TIAM1: variants seen among roughly 807,000 people sequenced by gnomAD.
The protein encoded by TIAM1 is TIAM Rac1 associated GEF 1.
In TIAM1, 65 loss-of-function variants were observed where a neutral mutation model predicts 163.5. The observed-to-expected ratio is 0.40, with a 90% CI of 0.33 to 0.49. The LOEUF (loss-of-function observed/expected upper bound fraction) is 0.49, where lower values mean the gene tolerates loss of function less well. TIAM1 is among the 20% of genes least tolerant of loss of function. The probability of loss-of-function intolerance (pLI) is 0.77; values close to 1 mark genes in which losing one functional copy is unlikely to be tolerated. For synonymous variants in TIAM1, 833 were observed against 810.1 expected, an observed-to-expected ratio of 1.03 and a Z score of -0.48; for missense variants, 1,789 against 2,044.7, an observed-to-expected ratio of 0.87 and a Z score of 2.41.
At chr21:31,169,358 G>A (rs2084396336) in intron 15 of TIAM1, among the ~76,000 whole-genome samples, 2 of 152,000 alleles carry the variant, frequency 1.3e-5, no homozygotes, top group South Asian at 4.2e-4. Flanking sequence ...AAAACACCAG[G>A]TAAATTAATA....
chr21:31,547,830 A>G (rs185174975), intron 1 of TIAM1, among the ~76,000 whole-genome samples: 1 of 152,328 alleles, frequency 6.6e-6, no homozygotes, highest in East Asian at 1.9e-4. Flanking sequence ...TATATTAACC[A>G]TAACAGATTT....
chr21:31,536,703 A>G (rs1462181658), intron 1 of TIAM1, among the ~76,000 whole-genome samples: 1 of 152,204 alleles, frequency 6.6e-6, no homozygotes, highest in African/African-American at 2.4e-5. Context: ...CGGGTGGAAC[A>G]GGGCATGGGC....
intron 15 of TIAM1, among the ~76,000 whole-genome samples, chr21:31,177,963 C>A (rs1292110290): frequency 6.6e-6 from 1 of 152,172 alleles, no homozygotes; most frequent in Non-Finnish European, 1.5e-5. Flanking sequence ...CCCATCAAAC[C>A]TCAAACCTGC....
chr21:31,175,755 C>T (rs768082407), intron 15 of TIAM1, among the ~76,000 whole-genome samples: 14 of 152,098 alleles, frequency 9.2e-5, no homozygotes, highest in Admixed American at 5.2e-4. Context: ...CCCGCCACCA[C>T]GCCCAGCTAA....
upstream of TIAM1, among the ~76,000 whole-genome samples, chr21:31,348,222 G>C (rs144406247): frequency 1.1e-4 from 17 of 152,302 alleles, no homozygotes; most frequent in African/African-American, 3.8e-4. Flanking sequence ...GGGGTCTCCA[G>C]AACCAACTTG....
At chr21:31,433,179 G>C (rs999910421) in intron 2 of TIAM1, among the ~76,000 whole-genome samples, 2 of 152,184 alleles carry the variant, frequency 1.3e-5, no homozygotes, top group Non-Finnish European at 2.9e-5. Context: ...CTTCAGAGCA[G>C]GGGAGTCACC....
At chr21:31,498,766 T>C (rs1214400286) in intron 1 of TIAM1, among the ~76,000 whole-genome samples, 1 of 151,852 alleles carries the variant, frequency 6.6e-6, no homozygotes, top group Non-Finnish European at 1.5e-5. Flanking sequence ...GCCAACATGG[T>C]GAAACCCCAT....
At chr21:31,203,183 C>T (rs569242842) in intron 11 of TIAM1, among the ~76,000 whole-genome samples, 171 bp from the exon 12 acceptor site, 1 of 152,236 alleles carries the variant, frequency 6.6e-6, no homozygotes, top group African/African-American at 2.4e-5. Flanking sequence ...AGTGCAATGG[C>T]GCAATCTCGG....
intron 2 of TIAM1, among the ~76,000 whole-genome samples, chr21:31,327,365 C>T (rs572638102): frequency 2.0e-5 from 3 of 152,138 alleles, no homozygotes; most frequent in African/African-American, 4.8e-5. Context: ...GTGGGCTGGG[C>T]GCAGTGGCTC....
In TIAM1 at chr21:31,213,470, C is replaced by A. The variant is rs372505401; in HGVS notation, c.2145G>T (p.Val715=). Residue 715 remains valine, a splice_region_variant and synonymous_variant, in exon 10 of 28, where the codon GTG becomes GTT. Transcript: ENST00000541036. ...KKQGRPSINQ[V]FGEGTEAVKK... is the part of the protein sequence containing the mutation. ...TTACAGCTTCGGTTCCCTCTCCAAA[C>A]ACCTGCATATACAAAAGTACCACCT... The A allele has an allele frequency of 1.2e-5, 20 of 1,613,914 alleles. No homozygotes were observed. Among genetic ancestry groups the A allele is most frequent in the Non-Finnish European group, 1.6e-5 (19 of 1,179,962 alleles).
intron 2 of TIAM1, among the ~76,000 whole-genome samples, chr21:31,438,302 C>T (rs1602278574): frequency 6.8e-6 from 1 of 146,660 alleles, no homozygotes; most frequent in South Asian, 2.2e-4. Context: ...AGTGATTCTC[C>T]TGTCTCAGCC....
intron 2 of TIAM1, among the ~76,000 whole-genome samples, chr21:31,414,243 G>A (rs113496296): frequency 1.4e-3 from 217 of 152,278 alleles, no homozygotes; most frequent in African/African-American, 5.0e-3. Flanking sequence ...AAAAGTTCCC[G>A]TCCTCTTGTG....
chr21:31,178,376 G>A (rs1476696313), intron 15 of TIAM1, among the ~76,000 whole-genome samples: 2 of 131,702 alleles, frequency 1.5e-5, no homozygotes, highest in Non-Finnish European at 1.5e-5. Context: ...GTGTGATCTC[G>A]GCTCACTGCA....
chr21:31,407,204 A>T (rs1406387153), intron 2 of TIAM1, among the ~76,000 whole-genome samples: 1 of 152,228 alleles, frequency 6.6e-6, no homozygotes, highest in Non-Finnish European at 1.5e-5. Context: ...TTATAAAACG[A>T]TTCCAAACCT....
intron 1 of TIAM1, among the ~76,000 whole-genome samples, chr21:31,545,840 T>G (rs2048468131): frequency 6.6e-6 from 1 of 152,218 alleles, no homozygotes; most frequent in Non-Finnish European, 1.5e-5. Context: ...CACTTTGTGA[T>G]TAATCTCCAT....
At chr21:31,174,757 C>T (rs1385803554) in intron 15 of TIAM1, among the ~76,000 whole-genome samples, 2 of 152,220 alleles carry the variant, frequency 1.3e-5, no homozygotes, top group East Asian at 3.8e-4. Context: ...AAGCAATTCT[C>T]CTGCCTCAGC....
At chr21:31,499,552 T>C (rs112618669) in intron 1 of TIAM1, among the ~76,000 whole-genome samples, 7,368 of 141,044 alleles carry the variant, frequency 0.052, 445 homozygotes, top group African/African-American at 0.15. Flanking sequence ...GAAAAAAAAT[T>C]AAGACTAAAA....
Position 31,395,335 on chromosome 21 carries a change from C to G in TIAM1, c.-368-55913G>C, listed in dbSNP as rs941584692. 1.3e-5 allele frequency among the ~76,000 whole-genome samples: 2 copies of G among 151,728 alleles called. No homozygotes were observed. The highest frequency in any genetic ancestry group is 4.8e-5 in the African/African-American group (2 of 41,352). On this transcript the variant is annotated intron_variant, in intron 2 of 28. Coordinates refer to the TIAM1 transcript ENST00000286827. This position sits in a 1 kb window ranked among gnomAD's most constrained non-coding sequence, Gnocchi z 7.5. ...CAGGGGGCTACTTCTAGAGAAGTGA[C>G]AAATGGCCCCACACACAGATCACTG...
rs947110361 is a variant in TIAM1 at position 31,188,999 on chromosome 21, G to C, written c.2576-1912C>G. Among the ~76,000 whole-genome samples the C allele has an allele frequency of 1.9e-4, 27 of 144,264 alleles. 1 individual carries two copies. The highest frequency in any genetic ancestry group is 3.6e-3 in the Middle Eastern group (1 of 278). The allele number at this position is 144,264 out of a possible 152,430, so 94.6% of individuals were successfully genotyped here. A position where few individuals can be genotyped will look rare whatever the true frequency, so the allele number is the denominator to read the frequency against. Reference sequence around the variant, plus strand: ...GCTGCAAGTCACCTGAAGCCAATTAGATGGAGACATGGAGACACCTCAGGT... The same window carrying C: ...GCTGCAAGTCACCTGAAGCCAATTACATGGAGACATGGAGACACCTCAGGT... On this transcript the variant is annotated intron_variant, in intron 13 of 27. Coordinates refer to ENST00000541036, the MANE Select transcript of TIAM1 (RefSeq NM_001353694.2).
Sources: allele counts gnomAD v4.1 joint callset (sites outside exome capture counted in the v4.1 genomes callset), GRCh38; gene constraint gnomAD v4.1.1; non-coding constraint Gnocchi (gnomAD v3.1); transcripts MANE v1.5; gene names NCBI Gene and HGNC (gene_info 2026-07-23, HGNC 2026-07-21).